EPG5: variants seen among roughly 807,000 people sequenced by gnomAD.
EPG5 encodes the protein ectopic P granules protein 5 homolog.
Under a neutral mutation model 302.7 loss-of-function variants are expected in EPG5, and 159 were observed. That is an observed-to-expected ratio of 0.53 (90% confidence interval 0.46 to 0.60). EPG5 has a LOEUF of 0.60. Ranked by LOEUF, EPG5 falls within the 20% of genes least tolerant of loss-of-function variation. EPG5 has a pLI of 0.00. For missense variants in EPG5, 2,896 were observed against 3,092.4 expected (o/e 0.94, Z 1.51); for synonymous variants, 1,158 against 1,136.8 (o/e 1.02, Z -0.37).
Position 45,903,986 on chromosome 18 carries a change from A to G in EPG5, c.4461T>C (p.Thr1487=), listed in dbSNP as rs1599536197. ...PCSLSVQLDF[T]DPLLAKERVL... ...CCCAGGACCCACCCAGCAAAGGATC[A>G]GTGAAGTCCAGCTGCACGGACAAAC... The change falls in exon 25 of 44, where the codon ACT becomes ACC. Residue 1487 remains threonine (T), a synonymous_variant. Transcript: ENST00000282041. 1 of 1,608,956 alleles carries G rather than the reference A, an allele frequency of 6.2e-7. No individual in the cohort carries two copies. Among genetic ancestry groups the G allele is most frequent in the East Asian group, 2.2e-5 (1 of 44,488 alleles).
In EPG5 at chr18:45,954,932, T is replaced by G. The variant is rs2050991397; in HGVS notation, c.470A>C (p.Gln157Pro). The G allele has an allele frequency of 1.9e-6, 3 of 1,613,286 alleles. No individual in the cohort carries two copies. Among genetic ancestry groups the G allele is most frequent in the Non-Finnish European group, 2.5e-6 (3 of 1,179,792 alleles). ...VQGGLSESAP[Q>P]SNFSYTQPAM... Reference sequence around the variant, plus strand: ...TGGCTGAGTATAAGAAAAATTAGATTGGGGTGCACTTTCTGAAAGTCCACC... The same window carrying G: ...TGGCTGAGTATAAGAAAAATTAGATGGGGGTGCACTTTCTGAAAGTCCACC... The change falls in exon 2 of 44, where the codon CAA becomes CCA. Residue 157 changes from glutamine to proline, a missense_variant. By Grantham distance (76) the Gln-to-Pro change is moderately conservative (BLOSUM62 -1). This residue lies in a region of EPG5 where 1,390 missense variants were observed against 1,430.0 expected (regional missense o/e 0.97). Transcript: ENST00000282041.
At chr18:45,832,190 C>G in the EPG5 span, among the ~76,000 whole-genome samples, 2 of 152,238 alleles carry the variant, frequency 1.3e-5, no homozygotes, top group Non-Finnish European at 2.9e-5. Flanking sequence ...TGGTTTCATT[C>G]AATCCTCAAT....
intron 1 of EPG5, among the ~76,000 whole-genome samples, chr18:45,960,826 A>G (rs2051132874): frequency 6.6e-6 from 1 of 152,160 alleles, no homozygotes; most frequent in Admixed American, 6.6e-5. Flanking sequence ...TTAAAACTAA[A>G]GTTTTTTTTA....
At chr18:45,803,596 A>G in the EPG5 span, among the ~76,000 whole-genome samples, 10 of 152,306 alleles carry the variant, frequency 6.6e-5, no homozygotes, top group East Asian at 1.7e-3. Context: ...CTAGAAAGTG[A>G]GGGAGAATCC....
chr18:45,847,017 C>G (rs1274467839), downstream of EPG5, among the ~76,000 whole-genome samples: 1 of 152,186 alleles, frequency 6.6e-6, no homozygotes, highest in Non-Finnish European at 1.5e-5. Flanking sequence ...AGGCCACTTT[C>G]CAACCCTTCA....
chr18:45,865,655 C>T lies in EPG5; in HGVS notation c.6726G>A (p.Met2242Ile), dbSNP rs866193216. The T allele has an allele frequency of 5.6e-6, 9 of 1,613,818 alleles. No homozygotes were observed. The Middle Eastern group carries it at 9.9e-4, about 178-fold the overall frequency. Residue 2242 changes from methionine (M) to isoleucine (I), a missense_variant, in exon 39 of 44, where the codon ATG (methionine) becomes ATA (isoleucine). Physicochemically the swap from Met to Ile is conservative, Grantham distance 10 (BLOSUM62 1). This residue lies in a region of EPG5 where 620 missense variants were observed against 704.2 expected (regional missense o/e 0.88). Transcript: ENST00000282041. ...KITLAVLEQE[M>I]SKLLDDIIVF... Reference sequence around the variant, plus strand: ...CAATGATATCGTCTAAGAGCTTAGACATTTCCTGTTCTAGGACTGCTAAGG... The same window carrying T: ...CAATGATATCGTCTAAGAGCTTAGATATTTCCTGTTCTAGGACTGCTAAGG...
chr18:45,939,244 C>T (rs564505969), intron 10 of EPG5, among the ~76,000 whole-genome samples: 2 of 152,338 alleles, frequency 1.3e-5, no homozygotes, highest in Admixed American at 6.5e-5. Context: ...GCACCACATG[C>T]TGCACACCTA....
the EPG5 span, among the ~76,000 whole-genome samples, chr18:45,841,470 C>T: frequency 6.6e-6 from 1 of 152,088 alleles, no homozygotes; most frequent in African/African-American, 2.4e-5. Context: ...TGGTTTTAAG[C>T]GGACGCATGG....
chr18:45,839,024 T>C, the EPG5 span: 5 of 1,575,764 alleles, frequency 3.2e-6, no homozygotes, highest in Non-Finnish European at 4.3e-6. Context: ...GCCCTCCTGC[T>C]CGGCGCTCTC....
At chr18:45,837,914 C>G in the EPG5 span, 1 of 1,474,216 alleles carries the variant, frequency 6.8e-7, no homozygotes, top group Non-Finnish European at 8.9e-7. Flanking sequence ...GGCGTGGGAG[C>G]GGGTCCCCGG....
intron 17 of EPG5, among the ~76,000 whole-genome samples, chr18:45,917,380 C>A (rs1391960189): frequency 6.6e-6 from 1 of 152,200 alleles, no homozygotes; most frequent in Non-Finnish European, 1.5e-5. Context: ...ATCAGAAGCA[C>A]GATTCCCAGA....
chr18:45,834,707 G>A, the EPG5 span, among the ~76,000 whole-genome samples: 3 of 152,202 alleles, frequency 2.0e-5, no homozygotes, highest in African/African-American at 4.8e-5. Context: ...ACCACAGCTC[G>A]TACCCCAGTG....
Position 45,946,742 on chromosome 18 carries a change from A to C in EPG5, c.1598T>G (p.Met533Arg). Residue 533 changes from methionine (M) to arginine (R), a missense_variant, in exon 7 of 44, where the codon ATG becomes AGG. Met to Arg is a moderately conservative substitution (Grantham distance 91). Transcript: ENST00000282041. Reference protein sequence around the residue: ...VKNRAEFMCHMKPSERKPSSS... With the variant: ...VKNRAEFMCHRKPSERKPSSS... The stretch of plus-strand genomic sequence containing the variant: ...GGATGGCTTCCGCTCGCTGGGCTTC[A>C]TGTGGCACATAAACTCAGCTCGATT... 1 of 1,614,194 alleles carries C rather than the reference A, an allele frequency of 6.2e-7. No homozygotes were observed. Among genetic ancestry groups the C allele is most frequent in the Non-Finnish European group, 8.5e-7 (1 of 1,180,030 alleles).
chr18:45,923,158 A>T, intron 15 of EPG5, 110 bp downstream of exon 15: 1 of 1,209,758 alleles, frequency 8.3e-7, no homozygotes, highest in Non-Finnish European at 1.1e-6. Context: ...AAATTGCTAG[A>T]AATGTTCTTA....
chr18:45,915,187 G>A (rs1205496236), intron 20 of EPG5, among the ~76,000 whole-genome samples: 1 of 151,688 alleles, frequency 6.6e-6, no homozygotes, highest in Non-Finnish European at 1.5e-5. Context: ...CTGTGGCAGG[G>A]GAATAGCTTG....
intron 39 of EPG5, among the ~76,000 whole-genome samples, chr18:45,863,669 A>C (rs575580034): frequency 6.6e-6 from 1 of 152,260 alleles, no homozygotes; most frequent in South Asian, 2.1e-4. Flanking sequence ...CTTAGTTTAC[A>C]ATTCTAGGTT....
chr18:45,899,360 C>G, intron 27 of EPG5, 44 bp downstream of exon 27: 1 of 1,606,548 alleles, frequency 6.2e-7, no homozygotes, highest in South Asian at 1.1e-5. Context: ...ACATTACGGA[C>G]TCAATTAAAA....
At chr18:45,825,635 C>T in the EPG5 span, 5 of 1,421,052 alleles carry the variant, frequency 3.5e-6, no homozygotes, top group East Asian at 2.4e-5. Flanking sequence ...TGCCCACCCC[C>T]GCCCGCCTTC....
the EPG5 span, among the ~76,000 whole-genome samples, chr18:45,810,673 C>A: frequency 1.3e-5 from 2 of 151,998 alleles, no homozygotes; most frequent in Admixed American, 6.6e-5. Flanking sequence ...CCCAGCTACT[C>A]AGGAAGCTGA....
Sources: allele counts gnomAD v4.1 joint callset (sites outside exome capture counted in the v4.1 genomes callset), GRCh38; gene constraint gnomAD v4.1.1; regional missense constraint gnomAD v4.1.1; transcripts MANE v1.5; gene names NCBI Gene and HGNC (gene_info 2026-07-23, HGNC 2026-07-21).